Variants in CBFA2T3 observed in about 807,000 individuals in gnomAD.
CBFA2T3 encodes the protein transcriptional corepressor CBFA2T3.
CBFA2T3 carries 31 observed loss-of-function variants against 58.6 expected under a neutral mutation model. The ratio of observed to expected loss-of-function variants is 0.53; its 90% CI spans 0.40 to 0.71. CBFA2T3 has a LOEUF of 0.71. CBFA2T3 is among the 30% of genes least tolerant of loss of function. The probability of loss-of-function intolerance (pLI) is 0.00; values close to 1 mark genes in which losing one functional copy is unlikely to be tolerated. For synonymous variants in CBFA2T3, 531 were observed against 421.9 expected, an observed-to-expected ratio of 1.26 and a Z score of -3.17; for missense variants, 1,076 against 963.1, an observed-to-expected ratio of 1.12 and a Z score of -1.55.
At chr16:88,975,965 C>T (rs1011704917) in intron 1 of CBFA2T3, among the ~76,000 whole-genome samples, 1 of 152,186 alleles carries the variant, frequency 6.6e-6, no homozygotes, top group African/African-American at 2.4e-5. Context: ...GCCACGAGGG[C>T]CACTGGGAAT....
At position 88,879,548 on chromosome 16, in the gene CBFA2T3, CA is replaced by C. The variant is rs112305849; in HGVS notation, c.1472-89del. ...CCTACGCGTGGCCACAACCTGGGGA[CA>C]GGGGCTGTGTGCAGCTGAACACACG... On this transcript the variant is annotated intron_variant, in intron 10 of 11. Coordinates refer to ENST00000268679, the MANE Select transcript of CBFA2T3 (RefSeq NM_005187.6). 3.1e-4 allele frequency: 390 copies of C among 1,244,064 alleles called. 1 individual carries two copies. In the African/African-American group the frequency reaches 5.2e-3, roughly 17 times the overall value. 77.1% of individuals were successfully genotyped at this position (1,244,064 alleles called of 1,614,324 possible). A position where few individuals can be genotyped will look rare whatever the true frequency, so the allele number is the denominator to read the frequency against.
Position 88,877,052 on chromosome 16 carries a change from C to A in CBFA2T3, c.1886G>T (p.Ser629Ile). The A allele has an allele frequency of 6.6e-7, 1 of 1,518,560 alleles. No individual in the cohort carries two copies. 94.1% of individuals were successfully genotyped at this position (1,518,560 alleles called of 1,614,324 possible). A position where few individuals can be genotyped will look rare whatever the true frequency, so the allele number is the denominator to read the frequency against. The change falls in exon 12 of 12, where the codon AGC becomes ATC. Residue 629 changes from serine to isoleucine, a missense_variant. By Grantham distance (142) the Ser-to-Ile change is moderately radical. Coordinates refer to ENST00000268679, the MANE Select transcript of CBFA2T3 (RefSeq NM_005187.6). ...PSLPVGAASP[S>I]EAGSAGPSRP... ...AGAAGGCCCCGCAGAGCCGGCTTCG[C>A]TGGGGCTGGCAGCACCCACAGGCAG...
intron 1 of CBFA2T3, among the ~76,000 whole-genome samples, chr16:88,967,820 A>T (rs13333633): frequency 0.16 from 24,373 of 152,086 alleles, 2,065 homozygotes; most frequent in Middle Eastern, 0.24. Context: ...GCACCGGGGA[A>T]CTCAGGACGC....
chr16:88,924,737 T>TG (rs1971030935), intron 1 of CBFA2T3, among the ~76,000 whole-genome samples: 1 of 152,136 alleles, frequency 6.6e-6, no homozygotes, highest in South Asian at 2.1e-4. Flanking sequence ...TTGCCCCAGC[T>TG]GGCCGGACGC....
chr16:88,964,882 C>T (rs1274255670), intron 1 of CBFA2T3, among the ~76,000 whole-genome samples: 1 of 151,444 alleles, frequency 6.6e-6, no homozygotes, highest in Non-Finnish European at 1.5e-5. Flanking sequence ...ACTGTCCATC[C>T]ATCCATCCAT....
intron 1 of CBFA2T3, among the ~76,000 whole-genome samples, chr16:88,902,799 C>G (rs1970151069): frequency 6.6e-6 from 1 of 152,190 alleles, no homozygotes; most frequent in Non-Finnish European, 1.5e-5. Context: ...GGTAGGCATC[C>G]TCAATCTGCT....
chr16:88,903,664 G>GC (rs1329347214), intron 1 of CBFA2T3, among the ~76,000 whole-genome samples: 1 of 136,688 alleles, frequency 7.3e-6, no homozygotes, highest in Admixed American at 7.1e-5. Flanking sequence ...CCGGCTGGGG[G>GC]GGGGGGCGTT....
rs1597660768 is a variant in CBFA2T3, at chr16:88,882,760, C to A, written c.1119G>T (p.Val373=). 1.3e-6 allele frequency: 2 copies of A among 1,567,794 alleles called. No homozygotes were observed. The highest frequency in any genetic ancestry group is 4.6e-5 in the East Asian group (2 of 43,272). The stretch of plus-strand genomic sequence containing the variant: ...CTTCTTCCTGCCGGGACCCAGGCAC[C>A]ACTGTGGATGGGGGAGGTGCACGCT... ...RELRERHRPL[V]VPGSRQEEVI... The change falls in exon 8 of 12, where the codon GTG becomes GTT. Residue 373 remains valine, a splice_region_variant and synonymous_variant. Transcript: ENST00000268679.
chr16:88,941,199 G>C, intron 1 of CBFA2T3: 1 of 979,582 alleles, frequency 1.0e-6, no homozygotes, highest in Non-Finnish European at 1.2e-6. Flanking sequence ...CGGGGCGGCC[G>C]CCTGGGCCAT....
At chr16:88,911,485 C>T (rs551465176) in intron 1 of CBFA2T3, among the ~76,000 whole-genome samples, 4 of 152,334 alleles carry the variant, frequency 2.6e-5, no homozygotes, top group South Asian at 2.1e-4. Flanking sequence ...GCCACGGGGA[C>T]GTCATCTCTG....
intron 1 of CBFA2T3, among the ~76,000 whole-genome samples, chr16:88,965,266 T>C (rs532017067): frequency 1.3e-5 from 2 of 152,256 alleles, no homozygotes; most frequent in East Asian, 1.9e-4. Flanking sequence ...GAGGACCAGT[T>C]CTGCCCTTTG....
intron 1 of CBFA2T3, among the ~76,000 whole-genome samples, chr16:88,909,391 G>A (rs1970447282): frequency 7.1e-6 from 1 of 140,976 alleles, no homozygotes; most frequent in African/African-American, 2.6e-5. Context: ...GGGGGTGAGG[G>A]TTGACATGAA....
At chr16:88,891,360 G>A (rs368459345) in intron 5 of CBFA2T3, among the ~76,000 whole-genome samples, 5 of 152,070 alleles carry the variant, frequency 3.3e-5, no homozygotes, top group African/African-American at 1.2e-4. Context: ...TCACCAACAC[G>A]CCTCCAAGCA....
chr16:88,876,762 C>T lies in CBFA2T3; in HGVS notation c.*214G>A. ...GTCTCCGCGCGGAATCATTAGGTAG[C>T]TGAGGCAGGTGCACTGAATGCGGTT... On this transcript the variant is annotated 3_prime_UTR_variant, in exon 12 of 12. Coordinates refer to ENST00000268679, the MANE Select transcript of CBFA2T3 (RefSeq NM_005187.6). The T allele has an allele frequency of 2.1e-6, 1 of 480,190 alleles. No homozygotes were observed. The highest frequency in any genetic ancestry group is 3.6e-6 in the Non-Finnish European group (1 of 276,354). The allele number at this position is 480,190 out of a possible 1,614,324, so 29.7% of individuals were successfully genotyped here. A position where few individuals can be genotyped will look rare whatever the true frequency, so the allele number is the denominator to read the frequency against.
intron 3 of CBFA2T3, among the ~76,000 whole-genome samples, chr16:88,897,296 C>T (rs906859636): frequency 1.6e-4 from 25 of 152,242 alleles, no homozygotes; most frequent in African/African-American, 4.3e-4. Flanking sequence ...ACAGAAACAA[C>T]GCACAGTTGT....
At chr16:88,902,546 G>C (rs1289386741) in intron 1 of CBFA2T3, 1 of 152,260 alleles carries the variant, frequency 6.6e-6, no homozygotes, top group Non-Finnish European at 1.5e-5. Context: ...GAGCCCCCTT[G>C]TGCCACCCAG....
intron 3 of CBFA2T3, 88 bp downstream of exon 3, chr16:88,897,990 G>A: frequency 1.0e-6 from 1 of 954,918 alleles, no homozygotes; most frequent in East Asian, 2.4e-5. Context: ...GGAGAGCTGA[G>A]CGCCCCCAGG....
chr16:88,919,945 G>A (rs1046679230), intron 1 of CBFA2T3, among the ~76,000 whole-genome samples: 22 of 152,346 alleles, frequency 1.4e-4, no homozygotes, highest in African/African-American at 5.1e-4. Flanking sequence ...GAATTGATGA[G>A]AATTAAAGCG....
rs1040351433 is a variant in CBFA2T3 at position 88,875,240 on chromosome 16, G to A, written c.*1736C>T. 1.3e-5 allele frequency: 3 copies of A among 233,564 alleles called. No individual in the cohort carries two copies. Among genetic ancestry groups the A allele is most frequent in the African/African-American group, 6.6e-5 (3 of 45,420 alleles). The allele number at this position is 233,564 out of a possible 1,614,324, so 14.5% of individuals were successfully genotyped here. ...GCACAGATGCCAGGCTGCGGGCCGT[G>A]CCTGCTGTCTGTCCTTGTACTCGGT... On this transcript the variant is annotated 3_prime_UTR_variant, in exon 12 of 12. Coordinates refer to ENST00000268679, the MANE Select transcript of CBFA2T3 (RefSeq NM_005187.6).
Sources: allele counts gnomAD v4.1 joint callset (sites outside exome capture counted in the v4.1 genomes callset), GRCh38; gene constraint gnomAD v4.1.1; transcripts MANE v1.5; gene names NCBI Gene and HGNC (gene_info 2026-07-23, HGNC 2026-07-21).